RAD52: variants seen among roughly 807,000 people sequenced by gnomAD.
The protein encoded by RAD52 is DNA repair protein RAD52 homolog.
In RAD52, 47 loss-of-function variants were observed where a neutral mutation model predicts 55.5. The observed-to-expected ratio is 0.85, with a 90% CI of 0.67 to 1.08. The LOEUF is 1.08. Ranked by LOEUF, RAD52 falls within the 50% of genes least tolerant of loss-of-function variation. The pLI is 0.00. For synonymous variants in RAD52, 184 were observed against 198.9 expected, an observed-to-expected ratio of 0.92 and a Z score of 0.63; for missense variants, 468 against 522.8, an observed-to-expected ratio of 0.90 and a Z score of 1.02.
intron 1 of RAD52, among the ~76,000 whole-genome samples, chr12:979,297 A>T (rs970364983): frequency 6.6e-6 from 1 of 152,064 alleles, no homozygotes; most frequent in Non-Finnish European, 1.5e-5. Flanking sequence ...AAGATTTAGC[A>T]TGGCGTGGTG....
At chr12:932,454 C>G (rs887567243) in intron 2 of RAD52, among the ~76,000 whole-genome samples, 3 of 151,808 alleles carry the variant, frequency 2.0e-5, no homozygotes, top group Non-Finnish European at 4.4e-5. Context: ...GAGATCGCAC[C>G]ACTGCACTGC....
intron 1 of RAD52, 91 bp from the exon 2 acceptor site, chr12:933,167 A>T: frequency 1.1e-6 from 1 of 906,664 alleles, no homozygotes; most frequent in Non-Finnish European, 1.7e-6. Flanking sequence ...CACATAAAGA[A>T]TCCTTATGCG....
rs548855877 is a variant in RAD52 at position 962,490 on chromosome 12, C to A, written c.-19+27319G>T. On this transcript the variant is annotated intron_variant, in intron 1 of 11. Coordinates refer to the RAD52 transcript ENST00000430095. ...GAGTAGCTGGGACTACAGGTGCCCG[C>A]CACCACGCCTGGCTAATTTTTTTTT... Among the ~76,000 whole-genome samples the A allele has an allele frequency of 7.0e-3, 1,067 of 151,686 alleles. 14 individuals are homozygous for A. Among genetic ancestry groups the A allele is most frequent in the African/African-American group, 0.024 (991 of 41,378 alleles).
At chr12:934,055 C>A (rs1957477801) in intron 1 of RAD52, among the ~76,000 whole-genome samples, 1 of 150,250 alleles carries the variant, frequency 6.7e-6, no homozygotes, top group Admixed American at 6.7e-5. Flanking sequence ...TGAGCTATGA[C>A]CACCCCATCG....
intron 1 of RAD52, among the ~76,000 whole-genome samples, chr12:959,867 A>G (rs1172588627): frequency 6.6e-6 from 1 of 152,192 alleles, no homozygotes; most frequent in African/African-American, 2.4e-5. Context: ...CATGGGCTTT[A>G]GTTTGCTTAC....
rs555070525 is a variant in RAD52 at position 965,833 on chromosome 12, T to G, written c.-19+23976A>C. ...TCCTAAGTAGCTGGGATTACACATA[T>G]GCACCACCACACCTGGCTAATTTTT... On this transcript the variant is annotated intron_variant, in intron 1 of 11. Transcript: ENST00000430095. 8.6e-5 allele frequency among the ~76,000 whole-genome samples: 13 copies of G among 152,036 alleles called. No homozygotes were observed. In the South Asian group the frequency reaches 2.7e-3, roughly 32 times the overall value.
chr12:951,576 T>C (rs1464035063), upstream of RAD52, among the ~76,000 whole-genome samples: 2 of 152,238 alleles, frequency 1.3e-5, no homozygotes, highest in East Asian at 3.8e-4. Context: ...CTGATTTTGG[T>C]AATTTGTGTC....
chr12:967,861 A>G (rs896626544), intron 1 of RAD52, among the ~76,000 whole-genome samples: 4 of 152,008 alleles, frequency 2.6e-5, no homozygotes, highest in African/African-American at 9.7e-5. Context: ...ACCTGAGCCC[A>G]GGAGGGGGAG....
At chr12:942,098 G>A (rs1382844225) in intron 1 of RAD52, among the ~76,000 whole-genome samples, 1 of 152,156 alleles carries the variant, frequency 6.6e-6, no homozygotes, top group East Asian at 1.9e-4. Context: ...AACTGGTAAA[G>A]ATAATTCTGA....
chr12:979,055 C>T (rs1324531836), intron 1 of RAD52, among the ~76,000 whole-genome samples: 2 of 152,086 alleles, frequency 1.3e-5, no homozygotes, highest in Non-Finnish European at 2.9e-5. Flanking sequence ...TTGTTATGAA[C>T]TGAAATTGTG....
intron 1 of RAD52, among the ~76,000 whole-genome samples, chr12:985,809 A>C (rs1344184053): frequency 2.6e-5 from 4 of 151,066 alleles, no homozygotes; most frequent in Non-Finnish European, 5.9e-5. Context: ...CGCCCAACTA[A>C]TTTTTGTAAT....
At chr12:979,240 G>T (rs1468079382) in intron 1 of RAD52, among the ~76,000 whole-genome samples, 12 of 152,096 alleles carry the variant, frequency 7.9e-5, no homozygotes. Flanking sequence ...AGGAGTTCAA[G>T]AACAACCAGG....
intron 1 of RAD52, among the ~76,000 whole-genome samples, chr12:955,071 T>A (rs1958585911): frequency 6.6e-6 from 1 of 152,162 alleles, no homozygotes; most frequent in African/African-American, 2.4e-5. Context: ...ATAAGGTAAA[T>A]AAACACATTA....
intron 9 of RAD52, among the ~76,000 whole-genome samples, chr12:914,841 A>G (rs933767185): frequency 1.3e-5 from 2 of 152,166 alleles, no homozygotes; most frequent in African/African-American, 4.8e-5. Context: ...TAACAGCCAT[A>G]ACCCTTGCTC....
At position 913,214 on chromosome 12, in the gene RAD52, G is replaced by C. The variant is rs556139368; in HGVS notation, c.*177C>G. ...AGAGTGATGGACAAGCTTTTCAAAA[G>C]TGCTCAGCTCTAACTGCAGTGGGCT... On this transcript the variant is annotated 3_prime_UTR_variant, in exon 12 of 12. Transcript: ENST00000358495. 8.0e-6 allele frequency: 5 copies of C among 626,366 alleles called. No homozygotes were observed. Among genetic ancestry groups the C allele is most frequent in the Non-Finnish European group, 1.1e-5 (4 of 355,114 alleles). The allele number at this position is 626,366 out of a possible 1,614,324, so 38.8% of individuals were successfully genotyped here. A position where few individuals can be genotyped will look rare whatever the true frequency, so the allele number is the denominator to read the frequency against.
chr12:955,664 G>A (rs866446618), intron 1 of RAD52, among the ~76,000 whole-genome samples: 7 of 151,910 alleles, frequency 4.6e-5, no homozygotes, highest in South Asian at 4.2e-4. Context: ...TGTTAGAGAC[G>A]GGGTTCACCA....
At chr12:952,711 G>A (rs1209269488), upstream of RAD52, among the ~76,000 whole-genome samples, 6 of 150,376 alleles carry the variant, frequency 4.0e-5, no homozygotes, top group East Asian at 1.2e-3. Flanking sequence ...GGCCAACACG[G>A]TAAAACCCCG....
chr12:924,340 G>A (rs1956906917), intron 7 of RAD52, among the ~76,000 whole-genome samples: 1 of 152,086 alleles, frequency 6.6e-6, no homozygotes, highest in Non-Finnish European at 1.5e-5. Context: ...AACCCAGGAG[G>A]CAGAGGTTGC....
At chr12:921,620 G>A (rs1956730534) in intron 7 of RAD52, among the ~76,000 whole-genome samples, 2 of 152,054 alleles carry the variant, frequency 1.3e-5, no homozygotes, top group African/African-American at 4.8e-5. Flanking sequence ...AGGATGTCGA[G>A]GCTCCAGGGA....
Sources: allele counts gnomAD v4.1 joint callset (sites outside exome capture counted in the v4.1 genomes callset), GRCh38; gene constraint gnomAD v4.1.1; transcripts MANE v1.5; gene names NCBI Gene and HGNC (gene_info 2026-07-23, HGNC 2026-07-21).